IRS1: variants seen among roughly 807,000 people sequenced by gnomAD.
The protein encoded by IRS1 is insulin receptor substrate 1.
IRS1 carries 34 observed loss-of-function variants against 65.6 expected under a neutral mutation model. That is an observed-to-expected ratio of 0.52 (90% CI 0.39 to 0.69). The LOEUF is 0.69. Among genes scored for constraint, IRS1 ranks in the 30% least tolerant of loss-of-function variants. IRS1 has a pLI of 0.00. For missense variants in IRS1, 1,641 were observed against 1,720.2 expected (o/e 0.95, Z 0.81); for synonymous variants, 699 against 683.5 (o/e 1.02, Z -0.35).
At chr2:226,774,493 G>T (rs1261198719) in intron 1 of IRS1, among the ~76,000 whole-genome samples, 1 of 152,132 alleles carries the variant, frequency 6.6e-6, no homozygotes, top group East Asian at 1.9e-4. Context: ...ACTACAGAAT[G>T]TTGGACAATT....
rs748246803 is a variant in IRS1, at chr2:226,795,869, C to A, written c.2870G>T (p.Ser957Ile). ...CAGTCTGCCCATCTCGACCCCAGTG[C>A]TCTCCTGCCAGGCTGCCCTCCGGCC... The part of the protein sequence containing the change: ...GPGRRAAWQE[S>I]TGVEMGRLGP... The change falls in exon 1 of 2, where the codon AGC becomes ATC. Residue 957 changes from serine (S) to isoleucine (I), a missense_variant. By Grantham distance (142) the Ser-to-Ile change is moderately radical. Around this residue, in one of 3 missense-constraint regions of IRS1, gnomAD observed 1,324 missense variants for 1,361.0 expected, o/e 0.97. Transcript: ENST00000305123. The A allele has an allele frequency of 6.2e-7, 1 of 1,613,696 alleles. No individual in the cohort carries two copies. The highest frequency in any genetic ancestry group is 8.5e-7 in the Non-Finnish European group (1 of 1,180,028).
At chr2:226,754,036 T>G (rs1426462380) in intron 1 of IRS1, among the ~76,000 whole-genome samples, 1 of 152,140 alleles carries the variant, frequency 6.6e-6, no homozygotes, top group Non-Finnish European at 1.5e-5. Flanking sequence ...TTATTTTTTG[T>G]AGAGATGGGG....
At chr2:226,756,588 A>G (rs1405667232) in intron 1 of IRS1, among the ~76,000 whole-genome samples, 2 of 152,242 alleles carry the variant, frequency 1.3e-5, no homozygotes, top group Non-Finnish European at 2.9e-5. Flanking sequence ...ATGCAGAACA[A>G]TAGCAACGTG....
At chr2:226,772,242 A>G (rs1215931383) in intron 1 of IRS1, among the ~76,000 whole-genome samples, 2 of 152,188 alleles carry the variant, frequency 1.3e-5, no homozygotes, top group African/African-American at 4.8e-5. Flanking sequence ...AACTCTGTGT[A>G]TGAGAGGCAA....
chr2:226,750,249 C>CA (rs75785691), intron 1 of IRS1, among the ~76,000 whole-genome samples: 1,048 of 59,500 alleles, frequency 0.018, 17 homozygotes, highest in Admixed American at 0.053. Context: ...AACTCTGTCT[C>CA]AAAAAAAAAA....
intron 1 of IRS1, among the ~76,000 whole-genome samples, chr2:226,769,439 G>A (rs1939121558): frequency 6.6e-6 from 1 of 152,192 alleles, no homozygotes; most frequent in Non-Finnish European, 1.5e-5. Flanking sequence ...TTAGATCTAT[G>A]GAAGACTAGA....
chr2:226,795,753 A>G lies in IRS1; in HGVS notation c.2986T>C (p.Cys996Arg), dbSNP rs913587902. 2 of 1,613,398 alleles carry G rather than the reference A, an allele frequency of 1.2e-6. No individual in the cohort carries two copies. The highest frequency in any genetic ancestry group is 1.1e-5 in the South Asian group (1 of 91,092). Reference protein sequence around the residue: ...RGDYMTMQMSCPRQSYVDTSP... With the variant: ...RGDYMTMQMSRPRQSYVDTSP... ...GTGTCCACGTAGCTCTGACGGGGAC[A>G]ACTCATCTGCATGGTCATGTAGTCA... The change falls in exon 1 of 2, where the codon TGT becomes CGT. Residue 996 changes from cysteine to arginine, a missense_variant. By Grantham distance (180) the Cys-to-Arg change is radical. Around this residue, in one of 3 missense-constraint regions of IRS1, gnomAD observed 1,324 missense variants for 1,361.0 expected, o/e 0.97. Transcript: ENST00000305123.
rs764042365 is a variant in IRS1, at chr2:226,797,793, T to C, written c.946A>G (p.Met316Val). 204 of 1,597,882 alleles carry C rather than the reference T, an allele frequency of 1.3e-4. No individual in the cohort carries two copies. Among genetic ancestry groups the C allele is most frequent in the Non-Finnish European group, 1.6e-4 (190 of 1,173,912 alleles). Residue 316 changes from methionine to valine, a missense_variant, in exon 1 of 2, where the codon ATG (methionine) becomes GTG (valine). Coordinates refer to ENST00000305123, the MANE Select transcript of IRS1 (RefSeq NM_005544.3). This position sits in a 1 kb window ranked among gnomAD's most constrained non-coding sequence, Gnocchi z 8.1. ...ESITATSPAS[M>V]VGGKPGSFRV... ...AAGGAGCCTGGCTTCCCGCCCACCATGCTGGCCGGGGAGGTGGCGGTGATG... is the reference window on the plus strand; with the variant it reads ...AAGGAGCCTGGCTTCCCGCCCACCACGCTGGCCGGGGAGGTGGCGGTGATG...
chr2:226,777,033 A>G (rs1429589995), intron 1 of IRS1, among the ~76,000 whole-genome samples: 1 of 152,190 alleles, frequency 6.6e-6, no homozygotes, highest in Admixed American at 6.5e-5. Flanking sequence ...TGGGAAACTG[A>G]TACAGCCTAA....
chr2:226,799,563 G>C lies in IRS1; in HGVS notation c.-825C>G. ...CCAGGCGGCTGGGGAGGAGGGGAGG[G>C]GACAAGGGCGAGAGGGGATGGGGGA... On this transcript the variant is annotated 5_prime_UTR_variant, in exon 1 of 2. Transcript: ENST00000305123. The surrounding 1 kb of genome is among the most constrained non-coding windows in gnomAD (Gnocchi z 6.1). 9.4e-7 allele frequency: 1 copy of C among 1,063,686 alleles called. No homozygotes were observed. 65.9% of individuals were successfully genotyped at this position (1,063,686 alleles called of 1,614,324 possible).
chr2:226,788,280 A>G (rs1939524918), intron 1 of IRS1, among the ~76,000 whole-genome samples: 2 of 152,196 alleles, frequency 1.3e-5, no homozygotes, highest in South Asian at 4.1e-4. Context: ...TGGTAGAGTA[A>G]TAAAACCACA....
rs1938846842 is a variant in IRS1, at chr2:226,758,415, T to G, written c.*22-22165A>C. Reference sequence around the variant, plus strand: ...CACCATAAGTGAAAATCGAATACCTTTATTTTCTAAAACATTAAGCAGAAT... The same window carrying G: ...CACCATAAGTGAAAATCGAATACCTGTATTTTCTAAAACATTAAGCAGAAT... On this transcript the variant is annotated intron_variant, in intron 1 of 1. Coordinates refer to ENST00000305123, the MANE Select transcript of IRS1 (RefSeq NM_005544.3). 2.6e-5 allele frequency among the ~76,000 whole-genome samples: 4 copies of G among 152,198 alleles called. No homozygotes were observed. In the South Asian group the frequency reaches 8.3e-4, roughly 31 times the overall value.
In IRS1 at chr2:226,760,124, G is replaced by A. The variant is rs530614093; in HGVS notation, c.*22-23874C>T. Among the ~76,000 whole-genome samples, 14 of 152,188 alleles carry A rather than the reference G, an allele frequency of 9.2e-5. No homozygotes were observed. The East Asian group carries it at 2.3e-3, about 25-fold the overall frequency. ...CCAGGAGGTTGAGCTGCAGTGAACC[G>A]TGATTGTGCTACTGCACTCCAGGCT... On this transcript the variant is annotated intron_variant, in intron 1 of 1. Transcript: ENST00000305123.
At chr2:226,778,673 T>G (rs940769622) in intron 1 of IRS1, among the ~76,000 whole-genome samples, 1 of 152,212 alleles carries the variant, frequency 6.6e-6, no homozygotes, top group East Asian at 1.9e-4. Context: ...ACATAAGCTA[T>G]GGTTCATGAC....
intron 1 of IRS1, among the ~76,000 whole-genome samples, chr2:226,777,323 T>A (rs955454977): frequency 6.6e-6 from 1 of 152,192 alleles, no homozygotes; most frequent in Non-Finnish European, 1.5e-5. Flanking sequence ...AAGTGTATTT[T>A]AAAAATGCTA....
rs1465225834 is a variant in IRS1 at position 226,799,060 on chromosome 2, A to C, written c.-322T>G. The C allele has an allele frequency of 1.6e-5, 21 of 1,317,344 alleles. No homozygotes were observed. Among genetic ancestry groups the C allele is most frequent in the Non-Finnish European group, 2.1e-5 (21 of 1,021,134 alleles). The allele number at this position is 1,317,344 out of a possible 1,614,324, so 81.6% of individuals were successfully genotyped here. On this transcript the variant is annotated 5_prime_UTR_variant, in exon 1 of 2. Transcript: ENST00000305123. The surrounding 1 kb of genome is among the most constrained non-coding windows in gnomAD (Gnocchi z 6.1). The stretch of plus-strand genomic sequence containing the variant: ...CCGCCGCCGCCACCAGGAAGGAGCG[A>C]AGATGCATCTCTCGTCGCCCCGGCT...
intron 1 of IRS1, among the ~76,000 whole-genome samples, chr2:226,791,613 G>A (rs909676204): frequency 2.6e-4 from 39 of 152,038 alleles, no homozygotes; most frequent in African/African-American, 8.9e-4. Context: ...GCCAGGCAGG[G>A]TGGCAGAAAG....
At chr2:226,781,189 T>C (rs1939374420) in intron 1 of IRS1, among the ~76,000 whole-genome samples, 1 of 152,206 alleles carries the variant, frequency 6.6e-6, no homozygotes, top group African/African-American at 2.4e-5. Context: ...GGCATTTTCT[T>C]TGGTCAATGC....
rs1051989771 is a variant in IRS1, at chr2:226,795,390, C to T, written c.3349G>A (p.Val1117Met). 12 of 1,613,378 alleles carry T rather than the reference C, an allele frequency of 7.4e-6. No individual in the cohort carries two copies. Among genetic ancestry groups the T allele is most frequent in the Non-Finnish European group, 9.3e-6 (11 of 1,179,996 alleles). Reference protein sequence around the residue: ...TPSATRVGNTVPFGAGAAVGG... With the variant: ...TPSATRVGNTMPFGAGAAVGG... Reference sequence around the variant, plus strand: ...ACTGCTGCCCCCGCTCCAAAGGGCACTGTGTTGCCCACCCGGGTGGCACTG... The same window carrying T: ...ACTGCTGCCCCCGCTCCAAAGGGCATTGTGTTGCCCACCCGGGTGGCACTG... Residue 1117 changes from valine to methionine, a missense_variant, in exon 1 of 2, where the codon GTG becomes ATG. Physicochemically the swap from Val to Met is conservative, Grantham distance 21. This residue lies in a region of IRS1 where 1,324 missense variants were observed against 1,361.0 expected (regional missense o/e 0.97). Transcript: ENST00000305123.
Sources: allele counts gnomAD v4.1 joint callset (sites outside exome capture counted in the v4.1 genomes callset), GRCh38; gene constraint gnomAD v4.1.1; regional missense constraint gnomAD v4.1.1; non-coding constraint Gnocchi (gnomAD v3.1); transcripts MANE v1.5; gene names NCBI Gene and HGNC (gene_info 2026-07-23, HGNC 2026-07-21).